Variants in ARHGAP5 observed in about 807,000 individuals in gnomAD.
The protein encoded by ARHGAP5 is Rho GTPase activating protein 5, also known as rho GTPase-activating protein 5.
ARHGAP5 carries 23 observed loss-of-function variants against 116.6 expected under a neutral mutation model. The ratio of observed to expected loss-of-function variants is 0.20; its 90% CI spans 0.14 to 0.28. The LOEUF is 0.28. Among genes scored for constraint, ARHGAP5 ranks in the 10% least tolerant of loss-of-function variants. The pLI is 1.00. For synonymous variants in ARHGAP5, 574 were observed against 602.0 expected (o/e 0.95, Z 0.68); for missense variants, 1,405 against 1,774.8 (o/e 0.79, Z 3.74).
In ARHGAP5 at chr14:32,157,458, T is replaced by C. The variant is rs1881939890; in HGVS notation, c.*2510T>C. Reference sequence around the variant, plus strand: ...TTTTACAATACTGAATAAAATTTCATCTACACACATGTTGCCATTGTTTCA... The same window carrying C: ...TTTTACAATACTGAATAAAATTTCACCTACACACATGTTGCCATTGTTTCA... On this transcript the variant is annotated 3_prime_UTR_variant, in exon 7 of 7. Transcript: ENST00000345122. 1 of 152,260 alleles carries C rather than the reference T, an allele frequency of 6.6e-6. No individual in the cohort carries two copies. The allele number at this position is 152,260 out of a possible 1,614,324, so 9.4% of individuals were successfully genotyped here. A position where few individuals can be genotyped will look rare whatever the true frequency, so the allele number is the denominator to read the frequency against.
At chr14:32,098,216 A>T (rs1878626019) in intron 2 of ARHGAP5, among the ~76,000 whole-genome samples, 1 of 152,212 alleles carries the variant, frequency 6.6e-6, no homozygotes, top group African/African-American at 2.4e-5. Context: ...ATCATATAAT[A>T]TAAAACTTCA....
At position 32,117,123 on chromosome 14, in the gene ARHGAP5, A is replaced by C; in HGVS notation, c.3718-17A>C. 6.4e-7 allele frequency: 1 copy of C among 1,568,668 alleles called. No homozygotes were observed. Among genetic ancestry groups the C allele is most frequent in the Non-Finnish European group, 8.7e-7 (1 of 1,150,920 alleles). On this transcript the variant is annotated splice_polypyrimidine_tract_variant and intron_variant, in intron 2 of 6. Transcript: ENST00000345122. ...AATTAATTTTAATAGTGTTAACTTA[A>C]ATATGTTTTCTTATAGCAGAAAAAG...
At chr14:32,141,768 T>C (rs1384972792) in intron 3 of ARHGAP5, among the ~76,000 whole-genome samples, 1 of 152,212 alleles carries the variant, frequency 6.6e-6, no homozygotes, top group African/African-American at 2.4e-5. Context: ...AACATAGTTT[T>C]ACCAGACACA....
At chr14:32,085,605 T>G (rs2041821395) in intron 1 of ARHGAP5, among the ~76,000 whole-genome samples, 1 of 152,210 alleles carries the variant, frequency 6.6e-6, no homozygotes, top group African/African-American at 2.4e-5. Flanking sequence ...TGCCTAAGAT[T>G]GTAGAATATA....
In ARHGAP5 at chr14:32,092,861, A is replaced by C; in HGVS notation, c.2192A>C (p.Asp731Ala). 1 of 1,614,068 alleles carries C rather than the reference A, an allele frequency of 6.2e-7. No individual in the cohort carries two copies. The highest frequency in any genetic ancestry group is 8.5e-7 in the Non-Finnish European group (1 of 1,179,942). Residue 731 changes from aspartate to alanine, a missense_variant, in exon 2 of 7, where the codon GAT becomes GCT. Around this residue, in one of 6 missense-constraint regions of ARHGAP5, gnomAD observed 944 missense variants for 1,095.3 expected, o/e 0.86. Transcript: ENST00000345122. This position sits in a 1 kb window ranked among gnomAD's most constrained non-coding sequence, Gnocchi z 4.1. ...AACAAGTTGCAATGTCCTTTTGTAG[A>C]TGTACCTGCTGGTACATATCCTCGT... Reference protein sequence around the residue: ...LANKLQCPFVDVPAGTYPRKF... With the variant: ...LANKLQCPFVAVPAGTYPRKF...
chr14:32,122,496 A>G (rs556994438), intron 3 of ARHGAP5, among the ~76,000 whole-genome samples: 3 of 152,324 alleles, frequency 2.0e-5, no homozygotes, highest in Admixed American at 2.0e-4. Flanking sequence ...GCTTTGAAGG[A>G]TAAAGTTTTC....
intron 3 of ARHGAP5, among the ~76,000 whole-genome samples, chr14:32,127,935 G>A (rs1446077554): frequency 2.7e-5 from 4 of 148,690 alleles, no homozygotes; most frequent in South Asian, 4.3e-4. Flanking sequence ...ACGTGGTCAC[G>A]GCCGGGCAGA....
At chr14:32,114,951 A>G (rs1193718713) in intron 2 of ARHGAP5, among the ~76,000 whole-genome samples, 1 of 152,234 alleles carries the variant, frequency 6.6e-6, no homozygotes, top group Non-Finnish European at 1.5e-5. Flanking sequence ...TTTGAAAACC[A>G]GTACGACAAA....
chr14:32,136,057 CAA>C (rs543673307), intron 3 of ARHGAP5, among the ~76,000 whole-genome samples: 47 of 152,146 alleles, frequency 3.1e-4, no homozygotes, highest in Non-Finnish European at 5.1e-4. Flanking sequence ...GAGCTAGGTT[CAA>C]TAAGTTTATA....
chr14:32,090,115 T>G (rs961007905), intron 1 of ARHGAP5, among the ~76,000 whole-genome samples: 2 of 151,982 alleles, frequency 1.3e-5, no homozygotes, highest in African/African-American at 4.8e-5. Flanking sequence ...GTGAGGGAGT[T>G]GCAAGTCAAC....
At chr14:32,081,852 T>C (rs1250328281) in intron 1 of ARHGAP5, among the ~76,000 whole-genome samples, 3 of 152,170 alleles carry the variant, frequency 2.0e-5, no homozygotes, top group Admixed American at 6.5e-5. Flanking sequence ...CAAGGTAATA[T>C]CTCTTTTAGA....
rs1292531901 is a variant in ARHGAP5 at position 32,155,968 on chromosome 14, CA to C, written c.*1026del. The C allele has an allele frequency of 2.6e-5, 4 of 152,242 alleles. No individual in the cohort carries two copies. The highest frequency in any genetic ancestry group is 1.5e-5 in the Non-Finnish European group (1 of 67,886). 9.4% of individuals were successfully genotyped at this position (152,242 alleles called of 1,614,324 possible). On this transcript the variant is annotated 3_prime_UTR_variant, in exon 7 of 7. Coordinates refer to ENST00000345122, the MANE Select transcript of ARHGAP5 (RefSeq NM_001030055.2). ...TTTTATGTGGCCCTTAAAAAATATC[CA>C]AAAAACCCATTGCTAATATAGCAAT...
chr14:32,103,597 G>A (rs1047842216), intron 2 of ARHGAP5, among the ~76,000 whole-genome samples: 32 of 152,234 alleles, frequency 2.1e-4, no homozygotes, highest in African/African-American at 7.7e-4. Context: ...TTATGTTAAT[G>A]GACAGTTGTT....
chr14:32,112,847 G>C (rs536427166), intron 2 of ARHGAP5, among the ~76,000 whole-genome samples: 1 of 151,784 alleles, frequency 6.6e-6, no homozygotes, highest in African/African-American at 2.4e-5. Flanking sequence ...CTCCAGCCTG[G>C]GCAATAGAAC....
Position 32,093,384 on chromosome 14 carries a change from A to G in ARHGAP5, c.2715A>G (p.Glu905=). 6.2e-7 allele frequency: 1 copy of G among 1,614,050 alleles called. No individual in the cohort carries two copies. Among genetic ancestry groups the G allele is most frequent in the Non-Finnish European group, 8.5e-7 (1 of 1,179,936 alleles). ...TCAAAGAGTTAATGACTGAAGGAGA[A>G]CACATTGCAACTGAGATCACTGCTA... ...EAIKELMTEG[E]HIATEITAKF... Residue 905 remains glutamate (E), a synonymous_variant, in exon 2 of 7, where the codon GAA becomes GAG. Transcript: ENST00000345122.
At chr14:32,137,971 CAAAA>C (rs570604721) in intron 3 of ARHGAP5, among the ~76,000 whole-genome samples, 2 of 79,298 alleles carry the variant, frequency 2.5e-5, no homozygotes, top group African/African-American at 5.0e-5. Flanking sequence ...GGCTTCGTCT[CAAAA>C]AAAAAAAAAA....
At chr14:32,130,195 T>G (rs1255183700) in intron 3 of ARHGAP5, among the ~76,000 whole-genome samples, 1 of 151,230 alleles carries the variant, frequency 6.6e-6, no homozygotes, top group Non-Finnish European at 1.5e-5. Context: ...TTGAATCCCT[T>G]GCATTCATAA....
At chr14:32,113,385 C>T (rs1309966864) in intron 2 of ARHGAP5, among the ~76,000 whole-genome samples, 2 of 152,208 alleles carry the variant, frequency 1.3e-5, no homozygotes, top group African/African-American at 2.4e-5. Context: ...ATAGGCTCCC[C>T]TCCCCTTGTT....
intron 3 of ARHGAP5, among the ~76,000 whole-genome samples, chr14:32,143,126 C>G (rs886469003): frequency 2.0e-5 from 3 of 152,042 alleles, no homozygotes; most frequent in South Asian, 2.1e-4. Context: ...CAGTAATACT[C>G]TGGGTTACTT....
Sources: gnomAD v4.1 joint callset for allele counts (sites outside exome capture counted in the v4.1 genomes callset) on GRCh38, gnomAD v4.1.1 for gene constraint, gnomAD v4.1.1 regional missense constraint, Gnocchi (gnomAD v3.1) non-coding constraint, MANE v1.5 for transcripts, NCBI Gene and HGNC (gene_info 2026-07-23, HGNC 2026-07-21) for gene names.